IL1R2: variants seen among roughly 807,000 people sequenced by gnomAD.
IL1R2 encodes the protein interleukin-1 receptor type 2.
IL1R2 carries 46 observed loss-of-function variants against 39.5 expected under a neutral mutation model. The ratio of observed to expected loss-of-function variants is 1.16; its 90% CI spans 0.92 to 1.49. The LOEUF is 1.49. Ranked by LOEUF, IL1R2 falls within the 40% of genes most tolerant of loss-of-function variation. The pLI is 0.00. For missense variants in IL1R2, 537 were observed against 502.0 expected, an observed-to-expected ratio of 1.07 and a Z score of -0.67; for synonymous variants, 207 against 189.6, an observed-to-expected ratio of 1.09 and a Z score of -0.75.
chr2:102,001,972 G>A (rs1437222960), intron 1 of IL1R2: 1 of 152,146 alleles, frequency 6.6e-6, no homozygotes, highest in East Asian at 1.9e-4. Flanking sequence ...TTCTTTGAAT[G>A]ACTGTGCCAC....
chr2:102,006,906 T>C (rs945579052), intron 1 of IL1R2, among the ~76,000 whole-genome samples: 1 of 152,182 alleles, frequency 6.6e-6, no homozygotes, highest in Non-Finnish European at 1.5e-5. Flanking sequence ...TTTGGCCGCA[T>C]CGTTTCCAGT....
chr2:102,005,440 G>A (rs1333808524), intron 1 of IL1R2, among the ~76,000 whole-genome samples: 1 of 152,186 alleles, frequency 6.6e-6, no homozygotes, highest in Non-Finnish European at 1.5e-5. Flanking sequence ...AATATATTGG[G>A]AATAGGCTTG....
At chr2:102,013,948 A>T (rs765437311) in intron 3 of IL1R2, among the ~76,000 whole-genome samples, 8 of 152,128 alleles carry the variant, frequency 5.3e-5, no homozygotes, top group Non-Finnish European at 1.0e-4. Context: ...CTATTTGGTG[A>T]GCAGCACTAC....
chr2:102,025,187 C>T (rs1031064675), intron 7 of IL1R2, among the ~76,000 whole-genome samples: 7 of 152,174 alleles, frequency 4.6e-5, no homozygotes, highest in African/African-American at 1.7e-4. Context: ...CTCTGAGACT[C>T]GAACAATCAG....
chr2:101,997,532 C>T (rs1675652924), intron 1 of IL1R2, among the ~76,000 whole-genome samples: 1 of 152,162 alleles, frequency 6.6e-6, no homozygotes. Flanking sequence ...CCCCACTTGG[C>T]CTCACTGCTC....
At chr2:102,027,016 C>T (rs903661125) in intron 8 of IL1R2, among the ~76,000 whole-genome samples, 19 of 152,186 alleles carry the variant, frequency 1.2e-4, no homozygotes, top group African/African-American at 4.3e-4. Flanking sequence ...AACTGGAAAG[C>T]CAATGATGTG....
chr2:102,013,488 G>C (rs1165324763), intron 3 of IL1R2, among the ~76,000 whole-genome samples: 1 of 113,234 alleles, frequency 8.8e-6, no homozygotes, highest in Non-Finnish European at 1.7e-5. Flanking sequence ...TCCTTGCTTG[G>C]TGCTCTGCAA....
At chr2:102,024,415 G>A in intron 6 of IL1R2, 118 bp from the exon 7 acceptor site, 1 of 720,184 alleles carries the variant, frequency 1.4e-6, no homozygotes, top group East Asian at 2.5e-5. Flanking sequence ...TTCTACCAAG[G>A]AAAGAATTGG....
At chr2:102,020,925 G>A (rs545147445) in intron 5 of IL1R2, among the ~76,000 whole-genome samples, 1 of 152,210 alleles carries the variant, frequency 6.6e-6, no homozygotes, top group Non-Finnish European at 1.5e-5. Context: ...CTCGGGTCCC[G>A]TGGAGACCTA....
intron 3 of IL1R2, among the ~76,000 whole-genome samples, chr2:102,013,571 AGAAG>A (rs1676793961): frequency 7.2e-6 from 1 of 138,778 alleles, no homozygotes; most frequent in Non-Finnish European, 1.6e-5. Context: ...AGAAAAGAAA[AGAAG>A]GAAAAGAAAA....
chr2:102,011,552 A>G (rs1241396194), intron 3 of IL1R2, among the ~76,000 whole-genome samples: 2 of 152,204 alleles, frequency 1.3e-5, no homozygotes, highest in African/African-American at 2.4e-5. Context: ...ACACAGACAT[A>G]TCTCCTTTAT....
Position 102,013,548 on chromosome 2 carries a change from AAAAAG to A in IL1R2, c.333-2322_333-2318del, listed in dbSNP as rs1258793743. Among the ~76,000 whole-genome samples, 68 of 142,216 alleles carry A rather than the reference AAAAAG, an allele frequency of 4.8e-4. 1 individual carries two copies. Among genetic ancestry groups the A allele is most frequent in the African/African-American group, 1.6e-3 (58 of 36,152 alleles). 93.3% of individuals were successfully genotyped at this position (142,216 alleles called of 152,430 possible). On this transcript the variant is annotated intron_variant, in intron 3 of 8. Transcript: ENST00000332549. ...GCAAAAAAAAAAAAAAAAAAAAAAA[AAAAAG>A]GAAAGAAAGAAAAGAAAAGAAGGAA...
chr2:102,014,228 C>G (rs897526182), intron 3 of IL1R2, among the ~76,000 whole-genome samples: 1 of 152,166 alleles, frequency 6.6e-6, no homozygotes, highest in African/African-American at 2.4e-5. Flanking sequence ...GGTTTGACCT[C>G]TTTGTAGCTG....
chr2:102,003,290 C>G (rs1027994048), intron 1 of IL1R2, among the ~76,000 whole-genome samples: 2 of 147,664 alleles, frequency 1.4e-5, no homozygotes, highest in African/African-American at 5.1e-5. Context: ...ATGTCTATGT[C>G]TGTGTCTTTG....
rs2282744 is a variant in IL1R2, at chr2:102,015,721, G to T, written c.333-150G>T. ...GCATTGTAAAGTCAAAAAATCCTAA[G>T]TTGAACCATCTTATGTCGGGAAACC... On this transcript the variant is annotated intron_variant, in intron 3 of 8. Coordinates refer to ENST00000332549, the MANE Select transcript of IL1R2 (RefSeq NM_004633.4). 7 of 642,310 alleles carry T rather than the reference G, an allele frequency of 1.1e-5. No homozygotes were observed. In the African/African-American group the frequency reaches 1.3e-4, roughly 12 times the overall value. 39.8% of individuals were successfully genotyped at this position (642,310 alleles called of 1,614,324 possible).
chr2:102,003,372 G>C (rs1676039413), intron 1 of IL1R2, among the ~76,000 whole-genome samples: 1 of 144,880 alleles, frequency 6.9e-6, no homozygotes, highest in East Asian at 2.1e-4. Context: ...CGGTGTCTGT[G>C]TCAGTGTCTA....
intron 6 of IL1R2, among the ~76,000 whole-genome samples, chr2:102,024,048 C>CAAAAAAAAAAAAAAAA (rs767273520): frequency 7.9e-5 from 11 of 139,928 alleles, no homozygotes; most frequent in African/African-American, 2.9e-4. Context: ...GACTCCATCT[C>CAAAAAAAAAAAAAAAA]AAAAACAAAA....
At chr2:102,022,104 T>A in intron 5 of IL1R2, 83 bp from the exon 6 acceptor site, 1 of 1,142,630 alleles carries the variant, frequency 8.8e-7, no homozygotes. Context: ...GATAACTTAG[T>A]TGATTAGCCA....
At position 102,028,511 on chromosome 2, in the gene IL1R2, T is replaced by C; in HGVS notation, c.*119T>C. ...AGTTGTCTACCAAAGGTGCCACATT[T>C]ATAGTGGCTTTGTAGTAAAGGACTA... On this transcript the variant is annotated 3_prime_UTR_variant, in exon 9 of 9. Transcript: ENST00000332549. The C allele has an allele frequency of 1.2e-6, 1 of 835,992 alleles. No homozygotes were observed. The highest frequency in any genetic ancestry group is 1.8e-6 in the Non-Finnish European group (1 of 560,324). The allele number at this position is 835,992 out of a possible 1,614,324, so 51.8% of individuals were successfully genotyped here.
Sources: gnomAD v4.1 joint callset for allele counts (sites outside exome capture counted in the v4.1 genomes callset) on GRCh38, gnomAD v4.1.1 for gene constraint, MANE v1.5 for transcripts, NCBI Gene and HGNC (gene_info 2026-07-23, HGNC 2026-07-21) for gene names.